Variants in ADAMTS20 observed in about 807,000 individuals in gnomAD.
The protein encoded by ADAMTS20 is ADAM metallopeptidase with thrombospondin type 1 motif 20.
In ADAMTS20, 225 loss-of-function variants were observed where a neutral mutation model predicts 260.1. That is an observed-to-expected ratio of 0.87 (90% CI 0.78 to 0.97). The LOEUF (loss-of-function observed/expected upper bound fraction) is 0.97. Ranked by LOEUF, ADAMTS20 falls within the 50% of genes least tolerant of loss-of-function variation. The pLI, the probability that ADAMTS20 is intolerant of heterozygous loss-of-function variation, is 0.00. For synonymous variants in ADAMTS20, 802 were observed against 769.5 expected (o/e 1.04, Z -0.70); for missense variants, 2,400 against 2,337.7 (o/e 1.03, Z -0.55).
intron 36 of ADAMTS20, among the ~76,000 whole-genome samples, chr12:43,374,709 A>G (rs1208673661): frequency 6.6e-6 from 1 of 151,976 alleles, no homozygotes; most frequent in Non-Finnish European, 1.5e-5. Flanking sequence ...TACCTGATAA[A>G]TTATCATTAG....
chr12:43,378,384 A>C (rs1341976181), intron 31 of ADAMTS20, among the ~76,000 whole-genome samples: 1 of 152,240 alleles, frequency 6.6e-6, no homozygotes, highest in African/African-American at 2.4e-5. Context: ...CTTAGAAGTT[A>C]CTTTCTCTAA....
At chr12:43,538,609 C>T (rs576812056) in intron 2 of ADAMTS20, among the ~76,000 whole-genome samples, 5 of 152,272 alleles carry the variant, frequency 3.3e-5, no homozygotes, top group Non-Finnish European at 5.9e-5. Flanking sequence ...ATGTCCTGAA[C>T]ATTTTCCCTA....
chr12:43,428,104 A>C (rs1293800754), intron 26 of ADAMTS20, 137 bp downstream of exon 26: 1 of 904,458 alleles, frequency 1.1e-6, no homozygotes, highest in African/African-American at 1.7e-5. Context: ...AAGACGCTTA[A>C]TCTTTTTAAT....
chr12:43,438,113 A>T (rs1020547851), intron 18 of ADAMTS20, among the ~76,000 whole-genome samples: 5 of 152,192 alleles, frequency 3.3e-5, no homozygotes, highest in Non-Finnish European at 5.9e-5. Context: ...TGGTAAAAGA[A>T]ATAATAGTTG....
At chr12:43,385,804 G>A (rs1427102225) in intron 29 of ADAMTS20, among the ~76,000 whole-genome samples, 2 of 152,062 alleles carry the variant, frequency 1.3e-5, no homozygotes, top group East Asian at 1.9e-4. Flanking sequence ...CTGTTTCATT[G>A]GCTATTAATT....
intron 38 of ADAMTS20, among the ~76,000 whole-genome samples, chr12:43,354,912 A>G (rs1939712124): frequency 6.6e-6 from 1 of 152,228 alleles, no homozygotes; most frequent in African/African-American, 2.4e-5. Flanking sequence ...TAAGCAGAGC[A>G]GTTCACTGAG....
chr12:43,376,755 A>C, intron 32 of ADAMTS20, 102 bp from the exon 33 acceptor site: 2 of 1,365,532 alleles, frequency 1.5e-6, no homozygotes, highest in Non-Finnish European at 2.0e-6. Context: ...GAGCACACTG[A>C]GGGTCAGTAG....
intron 4 of ADAMTS20, among the ~76,000 whole-genome samples, chr12:43,501,105 C>T (rs1314176245): frequency 7.7e-6 from 1 of 129,680 alleles, no homozygotes; most frequent in African/African-American, 2.9e-5. Flanking sequence ...GTTGCGCAGG[C>T]TGGAGTGCAA....
chr12:43,380,663 GA>G (rs1940329930), intron 31 of ADAMTS20, among the ~76,000 whole-genome samples: 1 of 151,926 alleles, frequency 6.6e-6, no homozygotes, highest in African/African-American at 2.4e-5. Context: ...TCCATTTACA[GA>G]ATATAAAAAA....
At chr12:43,549,720 A>G (rs948054636) in intron 2 of ADAMTS20, among the ~76,000 whole-genome samples, 3 of 152,136 alleles carry the variant, frequency 2.0e-5, no homozygotes, top group African/African-American at 7.2e-5. Context: ...TGCCATTGTG[A>G]TGTTGCAAAT....
intron 2 of ADAMTS20, among the ~76,000 whole-genome samples, chr12:43,537,721 T>C (rs1477275193): frequency 6.6e-6 from 1 of 152,116 alleles, no homozygotes; most frequent in African/African-American, 2.4e-5. Context: ...TCTATGTCCA[T>C]GAGTTCAACT....
intron 3 of ADAMTS20, among the ~76,000 whole-genome samples, chr12:43,528,347 G>GAAAAAAAAAAAAAAA (rs1565583137): frequency 0.016 from 37 of 2,308 alleles, 1 homozygote; most frequent in African/African-American, 0.026. Flanking sequence ...GCAATCCTAA[G>GAAAAAAAAAAAAAAA]CAAAAAAAAA....
chr12:43,527,258 C>T (rs1183644634), intron 3 of ADAMTS20, among the ~76,000 whole-genome samples: 1 of 152,080 alleles, frequency 6.6e-6, no homozygotes, highest in Admixed American at 6.5e-5. Context: ...TTCTACCACA[C>T]GTCTATTCAC....
intron 11 of ADAMTS20, among the ~76,000 whole-genome samples, chr12:43,455,698 G>A (rs1001703195): frequency 4.0e-5 from 6 of 148,780 alleles, no homozygotes; most frequent in Non-Finnish European, 8.9e-5. Context: ...AATGGACACT[G>A]GGTTGCTTTC....
chr12:43,514,980 C>A (rs1284556509), intron 3 of ADAMTS20, among the ~76,000 whole-genome samples: 1 of 152,178 alleles, frequency 6.6e-6, no homozygotes, highest in Non-Finnish European at 1.5e-5. Context: ...CTACATTAAT[C>A]TTATCTTCCT....
chr12:43,477,364 C>A (rs1459084065), intron 7 of ADAMTS20, among the ~76,000 whole-genome samples: 3 of 152,086 alleles, frequency 2.0e-5, no homozygotes, highest in Non-Finnish European at 4.4e-5. Flanking sequence ...GAAATATATT[C>A]AGTAGATTCT....
chr12:43,483,023 T>A (rs760194518), intron 7 of ADAMTS20, among the ~76,000 whole-genome samples: 1 of 152,156 alleles, frequency 6.6e-6, no homozygotes, highest in Non-Finnish European at 1.5e-5. Flanking sequence ...ATATCACTAC[T>A]ACAGCTGACA....
At chr12:43,501,460 T>TGCGC (rs1174785206) in intron 4 of ADAMTS20, among the ~76,000 whole-genome samples, 19 of 92,148 alleles carry the variant, frequency 2.1e-4, no homozygotes, top group South Asian at 2.1e-3. Context: ...TGGAGGGGGA[T>TGCGC]ACGCGCGCGC....
chr12:43,467,738 T>C (rs1942180752), intron 8 of ADAMTS20, among the ~76,000 whole-genome samples: 1 of 152,100 alleles, frequency 6.6e-6, no homozygotes. Flanking sequence ...TTGTTGATGA[T>C]TATGAGATAT....
Sources: allele counts gnomAD v4.1 joint callset (sites outside exome capture counted in the v4.1 genomes callset), GRCh38; gene constraint gnomAD v4.1.1; transcripts MANE v1.5; gene names NCBI Gene and HGNC (gene_info 2026-07-23, HGNC 2026-07-21).